Variants in DOP1B observed in about 807,000 individuals in gnomAD.
The protein encoded by DOP1B is protein DOP1B.
In DOP1B, 174 loss-of-function variants were observed where a neutral mutation model predicts 233.5. The ratio of observed to expected loss-of-function variants is 0.75; its 90% CI spans 0.66 to 0.85. DOP1B has a LOEUF of 0.85. DOP1B is among the 40% of genes least tolerant of loss of function. The pLI is 0.00. For missense variants in DOP1B, 2,652 were observed against 2,846.6 expected, an observed-to-expected ratio of 0.93 and a Z score of 1.56; for synonymous variants, 1,190 against 1,185.6, an observed-to-expected ratio of 1.00 and a Z score of -0.08.
chr21:36,270,078 C>T lies in DOP1B; in HGVS notation c.5553C>T (p.Ser1851=). The change falls in exon 27 of 37, where the codon AGC becomes AGT. Residue 1851 remains serine (S), a synonymous_variant. Coordinates refer to ENST00000691173, the MANE Select transcript of DOP1B (RefSeq NM_001320714.2). ...CCGGCTCTTCCTTGGAGCAAACCAG[C>T]TGGCTAAGCAGAAACCTGGAAGTGA... The part of the protein sequence containing the change: ...NIAGSSLEQT[S]WLSRNLEVKA... The T allele has an allele frequency of 7.4e-6, 12 of 1,614,108 alleles. No individual in the cohort carries two copies. The highest frequency in any genetic ancestry group is 1.0e-5 in the Non-Finnish European group (12 of 1,180,014).
chr21:36,195,983 C>A (rs1055562856), intron 2 of DOP1B, among the ~76,000 whole-genome samples: 1 of 152,160 alleles, frequency 6.6e-6, no homozygotes, highest in African/African-American at 2.4e-5. Context: ...GAAGTGACTC[C>A]CATAATTCTA....
At chr21:36,211,680 C>T (rs148765871) in intron 6 of DOP1B, 29 bp downstream of exon 6, 35 of 1,605,102 alleles carry the variant, frequency 2.2e-5, no homozygotes, top group East Asian at 1.6e-4. Flanking sequence ...TCTGGTAAGT[C>T]ACTGGTGTTT....
intron 32 of DOP1B, among the ~76,000 whole-genome samples, chr21:36,283,383 G>A (rs1030558269): frequency 1.3e-5 from 2 of 151,852 alleles, no homozygotes; most frequent in African/African-American, 2.4e-5. Flanking sequence ...GCACCCAGCC[G>A]GAAAGATCTT....
At chr21:36,292,935 T>C (rs1257011227) in intron 36 of DOP1B, among the ~76,000 whole-genome samples, 1 of 152,036 alleles carries the variant, frequency 6.6e-6, no homozygotes, top group Admixed American at 6.6e-5. Flanking sequence ...TTAAAAATTA[T>C]ATTCATGAGG....
intron 2 of DOP1B, among the ~76,000 whole-genome samples, chr21:36,180,907 C>G (rs914523779): frequency 1.3e-5 from 2 of 151,644 alleles, no homozygotes; most frequent in Non-Finnish European, 2.9e-5. Flanking sequence ...AAAGTATTCA[C>G]TTATGTCCTT....
chr21:36,227,563 A>G, intron 12 of DOP1B, 123 bp from the exon 13 acceptor site: 1 of 898,610 alleles, frequency 1.1e-6, no homozygotes, highest in Non-Finnish European at 1.6e-6. Context: ...AGAAAGAAAG[A>G]AAGAAAGAAA....
In DOP1B at chr21:36,221,299, C is replaced by G. The variant is rs1601422458; in HGVS notation, c.1250+1807C>G. ...CTTGAGGTCAGCAGTTCAAGACCAG[C>G]CTGGCCAACATGACAAAACCTGGTC... On this transcript the variant is annotated intron_variant, in intron 10 of 36. Transcript: ENST00000691173. Among the ~76,000 whole-genome samples, 5 of 151,992 alleles carry G rather than the reference C, an allele frequency of 3.3e-5. No individual in the cohort carries two copies. The South Asian group carries it at 1.0e-3, about 32-fold the overall frequency.
chr21:36,170,243 C>T (rs1568997429), intron 2 of DOP1B: 1 of 361,454 alleles, frequency 2.8e-6, no homozygotes, highest in Non-Finnish European at 5.1e-6. Flanking sequence ...TCCCTAATGA[C>T]TAATAATTTT....
At chr21:36,269,597 T>C (rs953776857) in intron 26 of DOP1B, among the ~76,000 whole-genome samples, 6 of 152,212 alleles carry the variant, frequency 3.9e-5, no homozygotes, top group Non-Finnish European at 7.3e-5. Context: ...CTCAGCTCAC[T>C]GCAGCTTCCA....
At chr21:36,212,984 G>C (rs946376222) in intron 7 of DOP1B, among the ~76,000 whole-genome samples, 1 of 152,144 alleles carries the variant, frequency 6.6e-6, no homozygotes, top group South Asian at 2.1e-4. Flanking sequence ...GTTTCGCCCT[G>C]TTGGCCAGGC....
intron 18 of DOP1B, among the ~76,000 whole-genome samples, chr21:36,244,703 G>C (rs1046139610): frequency 6.6e-5 from 10 of 152,262 alleles, no homozygotes; most frequent in African/African-American, 2.4e-4. Flanking sequence ...GGGATTACAG[G>C]TGTGAGCCAC....
At position 36,245,389 on chromosome 21, in the gene DOP1B, G is replaced by A; in HGVS notation, c.3409G>A (p.Glu1137Lys). Reference sequence around the variant, plus strand: ...CTCCTCCCCTTCCCACGACCTGCAGGAGCTGAGCAACGAAGAGAACTGCTG... The same window carrying A: ...CTCCTCCCCTTCCCACGACCTGCAGAAGCTGAGCAACGAAGAGAACTGCTG... ...SFSSPSHDLQ[E>K]LSNEENCCAP... The change falls in exon 19 of 37, where the codon GAG (glutamate) becomes AAG (lysine). Residue 1137 changes from glutamate (E) to lysine (K), a missense_variant. Transcript: ENST00000691173. This position sits in a 1 kb window ranked among gnomAD's most constrained non-coding sequence, Gnocchi z 5.5. The A allele has an allele frequency of 6.2e-7, 1 of 1,614,054 alleles. No homozygotes were observed. Among genetic ancestry groups the A allele is most frequent in the Non-Finnish European group, 8.5e-7 (1 of 1,180,034 alleles).
chr21:36,200,469 C>T lies in DOP1B; in HGVS notation c.459C>T (p.Pro153=), dbSNP rs772883237. 8 of 1,611,586 alleles carry T rather than the reference C, an allele frequency of 5.0e-6. No individual in the cohort carries two copies. Among genetic ancestry groups the T allele is most frequent in the South Asian group, 2.2e-5 (2 of 90,914 alleles). ...SLQAFIVGLL[P]GLEEGSEISD... Reference sequence around the variant, plus strand: ...AGGCCTTCATCGTGGGCCTGCTGCCCGGCCTTGAAGAGGGCTCCGAGATCT... The same window carrying T: ...AGGCCTTCATCGTGGGCCTGCTGCCTGGCCTTGAAGAGGGCTCCGAGATCT... Residue 153 remains proline, a synonymous_variant, in exon 4 of 37, where the codon CCC becomes CCT. Transcript: ENST00000691173.
intron 1 of DOP1B, among the ~76,000 whole-genome samples, chr21:36,160,679 T>C (rs1241301490): frequency 6.6e-6 from 1 of 152,096 alleles, no homozygotes; most frequent in Non-Finnish European, 1.5e-5. Context: ...GGTTTCGCCA[T>C]GTTGGCCATG....
chr21:36,251,140 C>CT lies in DOP1B; in HGVS notation c.4999-14dup, dbSNP rs199872661. The CT allele has an allele frequency of 1.2e-4, 195 of 1,595,786 alleles. 1 individual carries two copies. Among genetic ancestry groups the CT allele is most frequent in the Admixed American group, 8.3e-4 (46 of 55,742 alleles). ...TAGCCCCAATATTACTCTGCAGTAA[C>CT]TTTTTTTTCCCTATTTTCTAGACCA... is the stretch of plus-strand genomic sequence containing the variant. On this transcript the variant is annotated intron_variant, in intron 21 of 36. Transcript: ENST00000691173.
At chr21:36,267,794 CA>C (rs1415561764) in intron 26 of DOP1B, among the ~76,000 whole-genome samples, 1 of 152,010 alleles carries the variant, frequency 6.6e-6, no homozygotes, top group East Asian at 1.9e-4. Flanking sequence ...GGGGTGACAT[CA>C]CGTATCAGTA....
chr21:36,264,633 G>A (rs1157025147), intron 26 of DOP1B, among the ~76,000 whole-genome samples: 3 of 151,736 alleles, frequency 2.0e-5, no homozygotes, highest in Non-Finnish European at 4.4e-5. Context: ...CACCACGCCC[G>A]GCTAATTTTT....
chr21:36,212,940 G>A (rs1333596890), intron 7 of DOP1B, among the ~76,000 whole-genome samples: 2 of 152,142 alleles, frequency 1.3e-5, no homozygotes, highest in East Asian at 3.9e-4. Context: ...CACCACCCCG[G>A]CTGGGTAATT....
At chr21:36,160,695 C>G (rs1013561073) in intron 1 of DOP1B, among the ~76,000 whole-genome samples, 2 of 152,086 alleles carry the variant, frequency 1.3e-5, no homozygotes, top group African/African-American at 4.8e-5. Context: ...CCATGCTGGT[C>G]ACGAACTCCT....
Sources: allele counts gnomAD v4.1 joint callset (sites outside exome capture counted in the v4.1 genomes callset), GRCh38; gene constraint gnomAD v4.1.1; non-coding constraint Gnocchi (gnomAD v3.1); transcripts MANE v1.5; gene names NCBI Gene and HGNC (gene_info 2026-07-23, HGNC 2026-07-21).